Variants in BCAS3 observed in about 807,000 individuals in gnomAD.
BCAS3 encodes the protein BCAS3 microtubule associated cell migration factor.
Under a neutral mutation model 116.1 loss-of-function variants are expected in BCAS3, and 53 were observed. That is an observed-to-expected ratio of 0.46 (90% confidence interval 0.37 to 0.57). The LOEUF (loss-of-function observed/expected upper bound fraction) is 0.57, where lower values mean the gene tolerates loss of function less well. BCAS3 is among the 20% of genes least tolerant of loss of function. The pLI, the probability that BCAS3 is intolerant of heterozygous loss-of-function variation, is 0.00. For missense variants in BCAS3, 917 were observed against 1,165.4 expected, an observed-to-expected ratio of 0.79 and a Z score of 3.10; for synonymous variants, 391 against 408.2, an observed-to-expected ratio of 0.96 and a Z score of 0.51.
In BCAS3 at chr17:61,349,265, C is replaced by T. The variant is rs1182719842; in HGVS notation, c.2426-19062C>T. On this transcript the variant is annotated intron_variant, in intron 22 of 23. Coordinates refer to ENST00000407086, the MANE Select transcript of BCAS3 (RefSeq NM_017679.5). This position sits in a 1 kb window ranked among gnomAD's most constrained non-coding sequence, Gnocchi z 4.7. ...ACTCCAGACCATAGGTTCTTTCCAA[C>T]TGCACAAATCACACCCCCACTCTCC... Among the ~76,000 whole-genome samples, 1 of 152,188 alleles carries T rather than the reference C, an allele frequency of 6.6e-6. No homozygotes were observed. The highest frequency in any genetic ancestry group is 6.5e-5 in the Admixed American group (1 of 15,282).
At chr17:60,741,378 A>G (rs780016808) in intron 5 of BCAS3, among the ~76,000 whole-genome samples, 3 of 152,174 alleles carry the variant, frequency 2.0e-5, no homozygotes, top group Non-Finnish European at 4.4e-5. Context: ...ATTGCACCTT[A>G]GTTTGAGGGA....
chr17:61,386,922 G>A (rs1027181271), intron 23 of BCAS3, among the ~76,000 whole-genome samples: 4 of 151,958 alleles, frequency 2.6e-5, no homozygotes, highest in South Asian at 2.1e-4. Context: ...GGGATTACAG[G>A]CACGTGCTAC....
At chr17:61,210,807 T>G (rs935037584) in intron 22 of BCAS3, among the ~76,000 whole-genome samples, 1 of 152,218 alleles carries the variant, frequency 6.6e-6, no homozygotes, top group African/African-American at 2.4e-5. Context: ...CATAGCCAGT[T>G]GTGCTGCAGA....
At chr17:60,892,094 C>T (rs749715064) in intron 10 of BCAS3, among the ~76,000 whole-genome samples, 1 of 152,116 alleles carries the variant, frequency 6.6e-6, no homozygotes, top group Non-Finnish European at 1.5e-5. Flanking sequence ...GCTATTGTGA[C>T]TAGTACTGCG....
chr17:60,780,187 A>T lies in BCAS3; in HGVS notation c.404-27817A>T, dbSNP rs370220355. ...TGTATTTTTAGTAGAGACAGGTTTC[A>T]CTATATTGGCCAAGCTGGTCTCAAA... On this transcript the variant is annotated intron_variant, in intron 6 of 23. Coordinates refer to ENST00000407086, the MANE Select transcript of BCAS3 (RefSeq NM_017679.5). Among the ~76,000 whole-genome samples, 22 of 151,186 alleles carry T rather than the reference A, an allele frequency of 1.5e-4. No individual in the cohort carries two copies. The East Asian group carries it at 4.1e-3, about 28-fold the overall frequency.
chr17:60,909,870 AT>A (rs2058395689), intron 11 of BCAS3, among the ~76,000 whole-genome samples: 3 of 152,282 alleles, frequency 2.0e-5, no homozygotes, highest in African/African-American at 7.2e-5. Context: ...TTGAAATAAT[AT>A]AGTAGGAGCA....
intron 7 of BCAS3, among the ~76,000 whole-genome samples, chr17:60,852,042 C>T (rs951096244): frequency 2.0e-5 from 3 of 152,036 alleles, no homozygotes; most frequent in Non-Finnish European, 2.9e-5. Flanking sequence ...GGATAGTTTT[C>T]ATATCCTATA....
At chr17:60,951,918 C>T (rs897039072) in intron 14 of BCAS3, among the ~76,000 whole-genome samples, 1 of 151,816 alleles carries the variant, frequency 6.6e-6, no homozygotes, top group African/African-American at 2.4e-5. Context: ...ACTATAGGCA[C>T]CCGCCACCAC....
intron 22 of BCAS3, among the ~76,000 whole-genome samples, chr17:61,137,777 A>T (rs898687743): frequency 1.3e-5 from 2 of 152,196 alleles, no homozygotes; most frequent in African/African-American, 4.8e-5. Flanking sequence ...AAAAAGAAAA[A>T]CAAAACAAAA....
chr17:61,042,794 G>T (rs924467219), intron 19 of BCAS3, among the ~76,000 whole-genome samples: 1 of 150,112 alleles, frequency 6.7e-6, no homozygotes, highest in Non-Finnish European at 1.5e-5. Context: ...GGAGGCTGAG[G>T]CAGGAGGGTG....
chr17:61,295,193 A>G (rs1237848875), intron 22 of BCAS3, among the ~76,000 whole-genome samples: 2 of 152,228 alleles, frequency 1.3e-5, no homozygotes, highest in African/African-American at 4.8e-5. Context: ...CCAGACAAGG[A>G]ATTCCCTTTA....
rs1308710951 is a variant in BCAS3 at position 61,126,684 on chromosome 17, C to T, written c.2425+42120C>T. Among the ~76,000 whole-genome samples the T allele has an allele frequency of 2.6e-5, 4 of 152,116 alleles. No homozygotes were observed. Among genetic ancestry groups the T allele is most frequent in the African/African-American group, 9.7e-5 (4 of 41,428 alleles). ...TTTCCTTTTTAGCTGCTGATTTCTACTGGGAAATGTATCCTTGGACTGAAA... is the reference window on the plus strand; with the variant it reads ...TTTCCTTTTTAGCTGCTGATTTCTATTGGGAAATGTATCCTTGGACTGAAA... On this transcript the variant is annotated intron_variant, in intron 22 of 23. Coordinates refer to ENST00000407086, the MANE Select transcript of BCAS3 (RefSeq NM_017679.5). The surrounding 1 kb of genome is among the most constrained non-coding windows in gnomAD (Gnocchi z 4.6).
chr17:61,045,931 T>A lies in BCAS3; in HGVS notation c.2029+5039T>A, dbSNP rs559449253. On this transcript the variant is annotated intron_variant, in intron 19 of 23. Coordinates refer to ENST00000407086, the MANE Select transcript of BCAS3 (RefSeq NM_017679.5). The stretch of plus-strand genomic sequence containing the variant: ...TATATATTTATATATATAATATATA[T>A]AAATATATATATTATATATATAAAT... Among the ~76,000 whole-genome samples the A allele has an allele frequency of 2.7e-3, 49 of 18,064 alleles. 6 individuals carry two copies. In the African/African-American group the frequency reaches 0.039, roughly 14 times the overall value. 11.9% of individuals were successfully genotyped at this position (18,064 alleles called of 152,430 possible).
chr17:60,996,460 A>T (rs1027757354), intron 15 of BCAS3, among the ~76,000 whole-genome samples: 1 of 152,198 alleles, frequency 6.6e-6, no homozygotes, highest in Non-Finnish European at 1.5e-5. Context: ...ATGACTAGTA[A>T]GACTTTTAAC....
At chr17:60,795,464 G>A (rs1403272653) in intron 6 of BCAS3, among the ~76,000 whole-genome samples, 1 of 152,134 alleles carries the variant, frequency 6.6e-6, no homozygotes, top group Non-Finnish European at 1.5e-5. Flanking sequence ...TTGAAGAGGA[G>A]TGGTGAAAGT....
At chr17:61,329,837 G>A (rs189178121) in intron 22 of BCAS3, among the ~76,000 whole-genome samples, 122 of 152,184 alleles carry the variant, frequency 8.0e-4, no homozygotes, top group African/African-American at 2.9e-3. Flanking sequence ...ACTTATCCAT[G>A]AAGACCGCAA....
intron 5 of BCAS3, among the ~76,000 whole-genome samples, chr17:60,725,699 G>T (rs552560192): frequency 1.3e-5 from 2 of 152,134 alleles, no homozygotes; most frequent in Admixed American, 6.5e-5. Flanking sequence ...CAGACTCCTC[G>T]AACAAAGAAT....
At chr17:60,811,084 G>T in intron 7 of BCAS3, 1 of 632,324 alleles carries the variant, frequency 1.6e-6, no homozygotes, top group Non-Finnish European at 2.9e-6. Flanking sequence ...CCAGTTCTTG[G>T]ATATTGACCT....
rs1248922274 is a variant in BCAS3, at chr17:61,381,900, C to T, written c.2594-10077C>T. Among the ~76,000 whole-genome samples, 2 of 152,190 alleles carry T rather than the reference C, an allele frequency of 1.3e-5. No homozygotes were observed. On this transcript the variant is annotated intron_variant, in intron 23 of 23. Transcript: ENST00000407086. The surrounding 1 kb of genome is among the most constrained non-coding windows in gnomAD (Gnocchi z 6.0). ...CAGCATTATTAATCTAGAAAATTCT[C>T]TCCTATCCCCAACTGGTCATCCTCT...
Sources: gnomAD v4.1 joint callset for allele counts (sites outside exome capture counted in the v4.1 genomes callset) on GRCh38, gnomAD v4.1.1 for gene constraint, Gnocchi (gnomAD v3.1) non-coding constraint, MANE v1.5 for transcripts, NCBI Gene and HGNC (gene_info 2026-07-23, HGNC 2026-07-21) for gene names.